MCPH1: variants seen among roughly 807,000 people sequenced by gnomAD.
MCPH1 encodes microcephalin 1, also known as microcephalin.
Under a neutral mutation model 84.5 loss-of-function variants are expected in MCPH1, and 104 were observed. The observed-to-expected ratio is 1.23, with a 90% CI of 1.05 to 1.45. MCPH1 has a LOEUF of 1.45. MCPH1 is among the 40% of genes most tolerant of loss of function. The pLI is 0.00. For synonymous variants in MCPH1, 514 were observed against 366.8 expected, an observed-to-expected ratio of 1.40 and a Z score of -4.58; for missense variants, 1,498 against 1,005.7, an observed-to-expected ratio of 1.49 and a Z score of -6.62.
In MCPH1 at chr8:6,444,716, T is replaced by C; in HGVS notation, c.994T>C (p.Leu332=). The change falls in exon 8 of 14, where the codon TTG becomes CTG. Residue 332 remains leucine (L), a synonymous_variant. Transcript: ENST00000344683. Reference sequence around the variant, plus strand: ...GGAGACGTTTGAAGAGAAGTATCGTTTGTCTCCTACCTTATCTTCAACAAA... The same window carrying C: ...GGAGACGTTTGAAGAGAAGTATCGTCTGTCTCCTACCTTATCTTCAACAAA... ...SQETFEEKYR[L]SPTLSSTKGH... is the part of the protein sequence containing the mutation. 6.2e-7 allele frequency: 1 copy of C among 1,614,084 alleles called. No individual in the cohort carries two copies. The highest frequency in any genetic ancestry group is 8.5e-7 in the Non-Finnish European group (1 of 1,180,016).
chr8:6,513,977 G>C, intron 12 of MCPH1: 3 of 855,902 alleles, frequency 3.5e-6, no homozygotes, highest in Non-Finnish European at 5.3e-6. Flanking sequence ...TGACAATTTA[G>C]GGTCCTTCCC....
Position 6,415,006 on chromosome 8 carries a change from T to C in MCPH1, c.233+123T>C. The stretch of plus-strand genomic sequence containing the variant: ...TTTCATCTTTTCTCTGCCTCTTACC[T>C]CACCTAGTAATTTGAAATCCTCCAG... On this transcript the variant is annotated intron_variant, in intron 3 of 13. Transcript: ENST00000344683. 2.1e-6 allele frequency: 2 copies of C among 946,862 alleles called. 1 individual carries two copies. The highest frequency in any genetic ancestry group is 5.4e-5 in the Admixed American group (2 of 37,152). 58.7% of individuals were successfully genotyped at this position (946,862 alleles called of 1,614,324 possible). A position where few individuals can be genotyped will look rare whatever the true frequency, so the allele number is the denominator to read the frequency against.
chr8:6,422,546 C>G lies in MCPH1; in HGVS notation c.233+7663C>G, dbSNP rs564495968. The stretch of plus-strand genomic sequence containing the variant: ...TTCTGCTGAGAGTTAGGGATTCTTA[C>G]TCTGCTTTGCTGGCCCAGCCCCTGA... On this transcript the variant is annotated intron_variant, in intron 3 of 13. Transcript: ENST00000344683. Among the ~76,000 whole-genome samples the G allele has an allele frequency of 2.6e-5, 4 of 152,296 alleles. No individual in the cohort carries two copies. The South Asian group carries it at 8.3e-4, about 32-fold the overall frequency.
rs1252024553 is a variant in MCPH1, at chr8:6,592,614, C to CTTTTTTTTTTTTTTTTT, written c.2215-28832_2215-28831insTTTTTTTTTTTTTTTTT. On this transcript the variant is annotated intron_variant, in intron 12 of 13. Transcript: ENST00000344683. ...GTCATCTAGGCTCTCGTTTTTCTTT[C>CTTTTTTTTTTTTTTTTT]TTTTTTTTGTTTTTTTTTTTTTTTT... 3.1e-4 allele frequency among the ~76,000 whole-genome samples: 20 copies of CTTTTTTTTTTTTTTTTT among 65,500 alleles called. 1 individual carries two copies. Among genetic ancestry groups the CTTTTTTTTTTTTTTTTT allele is most frequent in the South Asian group, 5.5e-4 (1 of 1,826 alleles). The allele number at this position is 65,500 out of a possible 152,430, so 43.0% of individuals were successfully genotyped here.
chr8:6,433,214 T>G lies in MCPH1; in HGVS notation c.321+1628T>G, dbSNP rs548328244. Among the ~76,000 whole-genome samples the G allele has an allele frequency of 2.0e-5, 3 of 152,372 alleles. No homozygotes were observed. In the South Asian group the frequency reaches 6.2e-4, roughly 32 times the overall value. ...ACTTTTAGTCACTGTCAGTTTTTGC[T>G]AAGTATATTACTTAAGCCACATATT... On this transcript the variant is annotated intron_variant, in intron 4 of 13. Transcript: ENST00000344683.
At chr8:6,519,940 G>A in intron 12 of MCPH1, 1 of 1,614,094 alleles carries the variant, frequency 6.2e-7, no homozygotes, top group Non-Finnish European at 8.5e-7. Context: ...GAATACTTCA[G>A]CACAGTCTCT....
At chr8:6,506,980 C>G (rs1284399941) in intron 12 of MCPH1, among the ~76,000 whole-genome samples, 1 of 151,876 alleles carries the variant, frequency 6.6e-6, no homozygotes, top group East Asian at 1.9e-4. Context: ...TCATTGCAAA[C>G]TCTGTCTCCC....
chr8:6,462,571 C>T (rs75068954), intron 9 of MCPH1, among the ~76,000 whole-genome samples: 15,574 of 152,274 alleles, frequency 0.1, 907 homozygotes, highest in Middle Eastern at 0.23. Context: ...GGATTCTCTT[C>T]TCCAAGGCTG....
intron 11 of MCPH1, among the ~76,000 whole-genome samples, chr8:6,492,153 T>G (rs1220121032): frequency 1.3e-5 from 2 of 152,254 alleles, no homozygotes; most frequent in Non-Finnish European, 2.9e-5. Flanking sequence ...TTCCTGACTT[T>G]TTAATGATCG....
intron 12 of MCPH1, among the ~76,000 whole-genome samples, chr8:6,534,078 G>A (rs1477950876): frequency 2.0e-5 from 3 of 152,068 alleles, no homozygotes; most frequent in Admixed American, 6.5e-5. Context: ...CACTAAGGCT[G>A]CCTCCCTGGC....
intron 3 of MCPH1, among the ~76,000 whole-genome samples, chr8:6,423,190 CTTTTTTT>C (rs1165558274): frequency 8.8e-6 from 1 of 113,222 alleles, no homozygotes; most frequent in African/African-American, 3.5e-5. Flanking sequence ...CTTTTCTTTT[CTTTTTTT>C]TTTTTTTTTT....
chr8:6,455,163 A>G lies in MCPH1; in HGVS notation c.1846A>G (p.Arg616Gly). Residue 616 changes from arginine (R) to glycine (G), a missense_variant, in exon 9 of 14, where the codon AGG becomes GGG. Coordinates refer to ENST00000344683, the MANE Select transcript of MCPH1 (RefSeq NM_024596.5). ...TTTAGGTGTTAAAAATAGACCAACA[A>G]GGCATGATGTTTTAGATGACTCATG... ...YSGSVKNRPT[R>G]HDVLDDSCDG... 1 of 1,614,014 alleles carries G rather than the reference A, an allele frequency of 6.2e-7. No homozygotes were observed.
chr8:6,458,317 A>T (rs1805911993), intron 9 of MCPH1, among the ~76,000 whole-genome samples: 1 of 151,880 alleles, frequency 6.6e-6, no homozygotes, highest in South Asian at 2.1e-4. Context: ...CTAGAAATAC[A>T]AAAAATTAGC....
intron 3 of MCPH1, among the ~76,000 whole-genome samples, chr8:6,429,862 C>T (rs898431961): frequency 6.6e-6 from 1 of 152,172 alleles, no homozygotes. Flanking sequence ...ACCCCTCCCT[C>T]ACACCTGTCC....
intron 3 of MCPH1, among the ~76,000 whole-genome samples, chr8:6,428,330 C>T (rs1330745403): frequency 1.3e-5 from 2 of 152,138 alleles, no homozygotes; most frequent in African/African-American, 4.8e-5. Context: ...ATCAGTATGT[C>T]GCTAGGCGAT....
At chr8:6,455,311 C>G (rs933147240) in intron 9 of MCPH1, 59 bp downstream of exon 9, 2 of 1,204,478 alleles carry the variant, frequency 1.7e-6, no homozygotes, top group African/African-American at 3.0e-5. Context: ...TAATGTTCTT[C>G]TCTGGGTCAA....
chr8:6,434,911 T>G (rs1489108628), intron 4 of MCPH1, among the ~76,000 whole-genome samples: 2 of 152,154 alleles, frequency 1.3e-5, no homozygotes, highest in African/African-American at 4.8e-5. Flanking sequence ...AAGTTCAGTA[T>G]GTGTATTTGT....
intron 8 of MCPH1, among the ~76,000 whole-genome samples, chr8:6,451,545 A>T (rs772866493): frequency 2.5e-4 from 31 of 123,838 alleles, no homozygotes; most frequent in Admixed American, 4.8e-4. Context: ...AAAATTCCGC[A>T]TTATCTATTG....
intron 13 of MCPH1, chr8:6,627,353 C>T (rs1359721442): frequency 1.1e-6 from 1 of 915,538 alleles, no homozygotes; most frequent in South Asian, 5.0e-5. Flanking sequence ...GGGGACTGCC[C>T]CCTTCCAGCC....
Sources: allele counts gnomAD v4.1 joint callset (sites outside exome capture counted in the v4.1 genomes callset), GRCh38; gene constraint gnomAD v4.1.1; transcripts MANE v1.5; gene names NCBI Gene and HGNC (gene_info 2026-07-23, HGNC 2026-07-21).